Variants in SEC62 observed in about 807,000 individuals in gnomAD.
SEC62 encodes the protein SEC62 preprotein translocation factor, also known as translocation protein SEC62.
In SEC62, 10 loss-of-function variants were observed where a neutral mutation model predicts 47.5. The ratio of observed to expected loss-of-function variants is 0.21; its 90% CI spans 0.13 to 0.36. SEC62 has a LOEUF of 0.36. Ranked by LOEUF, SEC62 falls within the 10% of genes least tolerant of loss-of-function variation. The probability of loss-of-function intolerance (pLI) is 1.00; values close to 1 mark genes in which losing one functional copy is unlikely to be tolerated. For missense variants in SEC62, 327 were observed against 464.1 expected, an observed-to-expected ratio of 0.70 and a Z score of 2.71; for synonymous variants, 136 against 150.5, an observed-to-expected ratio of 0.90 and a Z score of 0.71.
At chr3:169,969,541 A>T (rs1258029855) in intron 1 of SEC62, among the ~76,000 whole-genome samples, 2 of 152,176 alleles carry the variant, frequency 1.3e-5, no homozygotes, top group Non-Finnish European at 2.9e-5. Context: ...CAGTCTTAAC[A>T]TGAAAGCAGA....
In SEC62 at chr3:169,992,853, T is replaced by C. The variant is rs1378397918; in HGVS notation, c.990T>C (p.His330=). ...AGGGGAAAGTAGGACCAGGAAATCA[T>C]GGAACAGAAGGCTCGGGGGGAGAAC... ...DEEGKVGPGN[H]GTEGSGGERH... Residue 330 remains histidine, a synonymous_variant, in exon 8 of 8, where the codon CAT becomes CAC. Transcript: ENST00000337002. The surrounding 1 kb of genome is among the most constrained non-coding windows in gnomAD (Gnocchi z 4.0). 1.3e-5 allele frequency: 21 copies of C among 1,613,560 alleles called. No individual in the cohort carries two copies. Among genetic ancestry groups the C allele is most frequent in the Non-Finnish European group, 1.7e-5 (20 of 1,179,908 alleles).
At chr3:169,991,569 G>A (rs548847792) in intron 7 of SEC62, among the ~76,000 whole-genome samples, 190 of 152,048 alleles carry the variant, frequency 1.2e-3, no homozygotes, top group African/African-American at 4.2e-3. Context: ...AAAAATTAGC[G>A]GAGCATGGTG....
At position 169,988,232 on chromosome 3, in the gene SEC62, T is replaced by C. The variant is rs368263633; in HGVS notation, c.611-8T>C. 3.7e-6 allele frequency: 6 copies of C among 1,613,324 alleles called. No homozygotes were observed. The African/African-American group carries it at 8.0e-5, about 22-fold the overall frequency. ...CTAAAATTTAACTTTTGTCATTTCTTGTTCCAGTGATTGCAGTAATAGCGG... is the reference window on the plus strand; with the variant it reads ...CTAAAATTTAACTTTTGTCATTTCTCGTTCCAGTGATTGCAGTAATAGCGG... On this transcript the variant is annotated splice_polypyrimidine_tract_variant and splice_region_variant and intron_variant, in intron 6 of 7. Transcript: ENST00000337002.
Position 169,997,348 on chromosome 3 carries a change from A to G in SEC62, c.*4285A>G, listed in dbSNP as rs1230761005. 6.6e-6 allele frequency: 1 copy of G among 152,242 alleles called. No individual in the cohort carries two copies. The highest frequency in any genetic ancestry group is 1.5e-5 in the Non-Finnish European group (1 of 68,042). 9.4% of individuals were successfully genotyped at this position (152,242 alleles called of 1,614,324 possible). On this transcript the variant is annotated 3_prime_UTR_variant, in exon 8 of 8. Coordinates refer to ENST00000337002, the MANE Select transcript of SEC62 (RefSeq NM_003262.4). ...CTTAGCATGACAGAAAGAGGGAAAG[A>G]TAAGTTAAATTTCAAGGGGGTCATA...
In SEC62 at chr3:169,992,910, A is replaced by G; in HGVS notation, c.1047A>G (p.Glu349=). 1 of 1,614,134 alleles carries G rather than the reference A, an allele frequency of 6.2e-7. No homozygotes were observed. Among genetic ancestry groups the G allele is most frequent in the Non-Finnish European group, 8.5e-7 (1 of 1,180,020 alleles). Residue 349 remains glutamate (E), a synonymous_variant, in exon 8 of 8, where the codon GAA becomes GAG. Coordinates refer to ENST00000337002, the MANE Select transcript of SEC62 (RefSeq NM_003262.4). This position sits in a 1 kb window ranked among gnomAD's most constrained non-coding sequence, Gnocchi z 4.0. ...RHSDTDSDRR[E]DDRSQHSSGN... The stretch of plus-strand genomic sequence containing the variant: ...CAGACACGGACAGTGACAGGAGGGA[A>G]GATGATCGATCCCAGCACAGTAGTG...
At chr3:169,970,230 T>C (rs1477210) in intron 1 of SEC62, among the ~76,000 whole-genome samples, 43,852 of 152,086 alleles carry the variant, frequency 0.29, 7,673 homozygotes, top group African/African-American at 0.49. Context: ...TCTTGTATAG[T>C]GTTATTTGTG....
At chr3:169,976,087 C>T (rs1268209139) in intron 2 of SEC62, among the ~76,000 whole-genome samples, 1 of 152,088 alleles carries the variant, frequency 6.6e-6, no homozygotes, top group Non-Finnish European at 1.5e-5. Context: ...GTTGAGTTTG[C>T]CTTTCTCATC....
At chr3:169,991,948 T>C (rs941621905) in intron 7 of SEC62, among the ~76,000 whole-genome samples, 1 of 152,178 alleles carries the variant, frequency 6.6e-6, no homozygotes, top group African/African-American at 2.4e-5. Context: ...ACAGAAAATA[T>C]AGTCATAAAT....
intron 3 of SEC62, among the ~76,000 whole-genome samples, chr3:169,979,176 T>G (rs1294734237): frequency 6.6e-6 from 1 of 152,236 alleles, no homozygotes; most frequent in Non-Finnish European, 1.5e-5. Flanking sequence ...CTTTCTGCAC[T>G]AAAATAAATG....
chr3:169,977,516 T>G (rs1261964853), intron 3 of SEC62, among the ~76,000 whole-genome samples: 2 of 152,182 alleles, frequency 1.3e-5, no homozygotes, highest in African/African-American at 2.4e-5. Context: ...TCAAGGAAGC[T>G]GCAACATCTA....
intron 1 of SEC62, among the ~76,000 whole-genome samples, chr3:169,967,622 A>G (rs1714568574): frequency 6.6e-6 from 1 of 152,092 alleles, no homozygotes; most frequent in Non-Finnish European, 1.5e-5. Flanking sequence ...CATGCGTGTC[A>G]TTTGTGCATT....
intron 7 of SEC62, among the ~76,000 whole-genome samples, chr3:169,991,885 C>T (rs1715255600): frequency 6.6e-6 from 1 of 152,038 alleles, no homozygotes. Context: ...AATGTATATA[C>T]ATGTATGTAA....
intron 1 of SEC62, among the ~76,000 whole-genome samples, chr3:169,971,887 C>T (rs542703500): frequency 3.5e-4 from 54 of 152,290 alleles, no homozygotes; most frequent in African/African-American, 1.3e-3. Context: ...TATGGTCATT[C>T]TCTACAATTA....
rs1366119118 is a variant in SEC62, at chr3:169,996,378, T to C, written c.*3315T>C. The C allele has an allele frequency of 6.6e-6, 1 of 152,644 alleles. No homozygotes were observed. Among genetic ancestry groups the C allele is most frequent in the Non-Finnish European group, 1.5e-5 (1 of 68,016 alleles). 9.5% of individuals were successfully genotyped at this position (152,644 alleles called of 1,614,324 possible). A position where few individuals can be genotyped will look rare whatever the true frequency, so the allele number is the denominator to read the frequency against. ...CACAGTATTTCAGGTCTTTGCTCAT[T>C]CACTCAGTAATACTGAGCACTTACC... On this transcript the variant is annotated 3_prime_UTR_variant, in exon 8 of 8. Coordinates refer to ENST00000337002, the MANE Select transcript of SEC62 (RefSeq NM_003262.4).
Position 169,988,366 on chromosome 3 carries a change from ATTG to A in SEC62, c.730+10_730+12del. On this transcript the variant is annotated splice_region_variant and intron_variant, in intron 7 of 7. Coordinates refer to ENST00000337002, the MANE Select transcript of SEC62 (RefSeq NM_003262.4). ...ATTCTTCTCCTTGCTGTTGGTAAGT[ATTG>A]TTATTATAAAATTGACCTCAAGAAG... 2 of 1,613,028 alleles carry A rather than the reference ATTG, an allele frequency of 1.2e-6. No homozygotes were observed. Among genetic ancestry groups the A allele is most frequent in the Non-Finnish European group, 1.7e-6 (2 of 1,179,264 alleles).
chr3:169,991,131 T>C (rs1387309685), intron 7 of SEC62, among the ~76,000 whole-genome samples: 2 of 152,204 alleles, frequency 1.3e-5, no homozygotes, highest in African/African-American at 4.8e-5. Flanking sequence ...TTTTCTACAG[T>C]TTTTTCATAA....
At chr3:169,989,712 T>C (rs2108288150) in intron 7 of SEC62, among the ~76,000 whole-genome samples, 1 of 152,150 alleles carries the variant, frequency 6.6e-6, no homozygotes, top group East Asian at 1.9e-4. Flanking sequence ...TATGTAGTTT[T>C]GCTGTTTAAA....
Position 169,992,020 on chromosome 3 carries a change from C to T in SEC62, c.731-574C>T, listed in dbSNP as rs1715259176. 6.6e-6 allele frequency among the ~76,000 whole-genome samples: 1 copy of T among 152,056 alleles called. No individual in the cohort carries two copies. The highest frequency in any genetic ancestry group is 2.1e-4 in the South Asian group (1 of 4,822). ...TAAGTGCCTTACAAAGGCAAAAGGG[C>T]CTAGGGCCTTGGGAAGTATGATGCA... On this transcript the variant is annotated intron_variant, in intron 7 of 7. Transcript: ENST00000337002. The surrounding 1 kb of genome is among the most constrained non-coding windows in gnomAD (Gnocchi z 4.0).
chr3:169,990,241 A>G (rs1288886845), intron 7 of SEC62, among the ~76,000 whole-genome samples: 1 of 151,730 alleles, frequency 6.6e-6, no homozygotes, highest in East Asian at 1.9e-4. Flanking sequence ...AGCTGGGACT[A>G]TAGGAGCATG....
Sources: gnomAD v4.1 joint callset for allele counts (sites outside exome capture counted in the v4.1 genomes callset) on GRCh38, gnomAD v4.1.1 for gene constraint, Gnocchi (gnomAD v3.1) non-coding constraint, MANE v1.5 for transcripts, NCBI Gene and HGNC (gene_info 2026-07-23, HGNC 2026-07-21) for gene names.